Variants in SRFBP1 observed in about 807,000 individuals in gnomAD.
The protein encoded by SRFBP1 is serum response factor-binding protein 1.
SRFBP1 carries 47 observed loss-of-function variants against 45.5 expected under a neutral mutation model. That is an observed-to-expected ratio of 1.03 (90% CI 0.82 to 1.32). The LOEUF is 1.32. Ranked by LOEUF, SRFBP1 falls within the 40% of genes most tolerant of loss-of-function variation. The pLI, the probability that SRFBP1 is intolerant of heterozygous loss-of-function variation, is 0.00. For missense variants in SRFBP1, 621 were observed against 484.6 expected (o/e 1.28, Z -2.64); for synonymous variants, 203 against 166.3 (o/e 1.22, Z -1.70).
chr5:122,027,319 T>C lies in SRFBP1; in HGVS notation c.*193T>C. The C allele has an allele frequency of 2.5e-6, 1 of 395,706 alleles. No homozygotes were observed. Among genetic ancestry groups the C allele is most frequent in the Non-Finnish European group, 4.5e-6 (1 of 220,754 alleles). 24.5% of individuals were successfully genotyped at this position (395,706 alleles called of 1,614,324 possible). A position where few individuals can be genotyped will look rare whatever the true frequency, so the allele number is the denominator to read the frequency against. On this transcript the variant is annotated 3_prime_UTR_variant, in exon 8 of 8. Transcript: ENST00000339397. ...GGGACTGCAGGTGCATGCACTACCA[T>C]GCCCAGCTTTCTCACCCCAGGCTCT... is the stretch of plus-strand genomic sequence containing the variant.
intron 2 of SRFBP1, among the ~76,000 whole-genome samples, chr5:122,055,216 G>A (rs1754058654): frequency 6.6e-6 from 1 of 152,118 alleles, no homozygotes; most frequent in African/African-American, 2.4e-5. Context: ...GTCCTCACAT[G>A]GTGGAAGGGG....
intron 2 of SRFBP1, among the ~76,000 whole-genome samples, chr5:122,042,828 G>A (rs1217120743): frequency 6.6e-6 from 1 of 151,708 alleles, no homozygotes; most frequent in Non-Finnish European, 1.5e-5. Context: ...AATTTCTTTT[G>A]GTATTAACCT....
intron 2 of SRFBP1, 50 bp from the exon 3 acceptor site, chr5:121,975,265 T>A (rs373498063): frequency 6.3e-7 from 1 of 1,575,752 alleles, no homozygotes; most frequent in African/African-American, 1.4e-5. Flanking sequence ...ACACTATAAG[T>A]CTAAAATTAA....
intron 2 of SRFBP1, among the ~76,000 whole-genome samples, chr5:122,035,069 T>A (rs1447912915): frequency 6.6e-6 from 1 of 152,172 alleles, no homozygotes; most frequent in Non-Finnish European, 1.5e-5. Context: ...TTGTTTTTTC[T>A]ATTACCCTTT....
At chr5:121,975,694 C>T (rs972341536) in intron 3 of SRFBP1, among the ~76,000 whole-genome samples, 1 of 151,900 alleles carries the variant, frequency 6.6e-6, no homozygotes. Flanking sequence ...AACTTTAGCA[C>T]GAAGTCAGTT....
intron 4 of SRFBP1, among the ~76,000 whole-genome samples, chr5:122,013,302 G>A (rs1753132101): frequency 6.6e-6 from 1 of 151,924 alleles, no homozygotes; most frequent in Admixed American, 6.6e-5. Context: ...CTATGGTATT[G>A]GGTAGGCAAC....
intron 3 of SRFBP1, among the ~76,000 whole-genome samples, chr5:121,990,768 C>G (rs1031103995): frequency 2.0e-5 from 3 of 152,104 alleles, no homozygotes; most frequent in Non-Finnish European, 2.9e-5. Flanking sequence ...TTATTGTAAG[C>G]AAAAGTTGTT....
chr5:122,078,519 A>C (rs1754708953), downstream of SRFBP1, among the ~76,000 whole-genome samples: 1 of 152,190 alleles, frequency 6.6e-6, no homozygotes, highest in South Asian at 2.1e-4. Flanking sequence ...TCTGGGGCGA[A>C]CATGCAGGAA....
At chr5:121,998,927 C>T (rs1752795155) in intron 4 of SRFBP1, among the ~76,000 whole-genome samples, 1 of 152,042 alleles carries the variant, frequency 6.6e-6, no homozygotes, top group Admixed American at 6.6e-5. Flanking sequence ...TAATTTGTAC[C>T]CATGTTGCTC....
rs747237120 is a variant in SRFBP1, at chr5:122,070,475, T to C, written n.312-4840T>C. 6.6e-6 allele frequency: 9 copies of C among 1,369,508 alleles called. No individual in the cohort carries two copies. The East Asian group carries it at 1.6e-4, about 24-fold the overall frequency. 84.8% of individuals were successfully genotyped at this position (1,369,508 alleles called of 1,614,324 possible). ...TGATCTGCAATATCAATATATGATA[T>C]ATTTTCAAAGGTCTTTACCTTTAGG... On this transcript the variant is annotated intron_variant and non_coding_transcript_variant, in intron 2 of 2. Coordinates refer to the SRFBP1 transcript ENST00000504881.
At chr5:121,970,320 A>G (rs2112814037) in intron 1 of SRFBP1, among the ~76,000 whole-genome samples, 1 of 152,252 alleles carries the variant, frequency 6.6e-6, no homozygotes, top group East Asian at 1.9e-4. Context: ...AATGTAACCA[A>G]GGACCAACTC....
chr5:121,962,785 A>G (rs1423771681), intron 1 of SRFBP1, among the ~76,000 whole-genome samples: 1 of 152,224 alleles, frequency 6.6e-6, no homozygotes, highest in Non-Finnish European at 1.5e-5. Context: ...CCAAAGTCTT[A>G]AAGTAAGCTG....
intron 2 of SRFBP1, among the ~76,000 whole-genome samples, chr5:122,040,889 A>G (rs758837573): frequency 2.0e-5 from 3 of 152,132 alleles, no homozygotes; most frequent in Non-Finnish European, 2.9e-5. Flanking sequence ...CTTCACTTAG[A>G]AAGTATCAAC....
At chr5:122,013,931 A>T (rs1753144039) in intron 4 of SRFBP1, among the ~76,000 whole-genome samples, 1 of 152,192 alleles carries the variant, frequency 6.6e-6, no homozygotes, top group South Asian at 2.1e-4. Flanking sequence ...GTCAACAGAT[A>T]GAAAGTTACA....
chr5:122,016,400 T>G (rs149000476), intron 4 of SRFBP1, among the ~76,000 whole-genome samples: 1,611 of 152,336 alleles, frequency 0.011, 29 homozygotes, highest in African/African-American at 0.036. Flanking sequence ...ATTCTTTTCC[T>G]TCATAATTTT....
At position 121,974,394 on chromosome 5, in the gene SRFBP1, A is replaced by T. The variant is rs923541783; in HGVS notation, c.125+110A>T. 5.5e-6 allele frequency: 4 copies of T among 728,466 alleles called. No individual in the cohort carries two copies. In the African/African-American group the frequency reaches 7.1e-5, roughly 13 times the overall value. The allele number at this position is 728,466 out of a possible 1,614,324, so 45.1% of individuals were successfully genotyped here. A position where few individuals can be genotyped will look rare whatever the true frequency, so the allele number is the denominator to read the frequency against. The stretch of plus-strand genomic sequence containing the variant: ...ATATAGAGAAGTAATTAAATGTCTT[A>T]TACACCATTTTTGTTTTGTATGCGG... On this transcript the variant is annotated intron_variant, in intron 2 of 7. Transcript: ENST00000339397.
chr5:122,065,956 T>C (rs559440235), intron 2 of SRFBP1: 1 of 152,204 alleles, frequency 6.6e-6, no homozygotes, highest in South Asian at 2.1e-4. Flanking sequence ...AGAATGGTGA[T>C]ATTAAGAATC....
intron 3 of SRFBP1, 57 bp from the exon 4 acceptor site, chr5:121,994,542 A>C (rs973205007): frequency 8.6e-7 from 1 of 1,158,638 alleles, no homozygotes; most frequent in Non-Finnish European, 1.3e-6. Flanking sequence ...AAGGAACTTA[A>C]TAATAGTGAT....
chr5:122,007,416 T>A (rs1452703892), intron 4 of SRFBP1, among the ~76,000 whole-genome samples: 1 of 151,734 alleles, frequency 6.6e-6, no homozygotes, highest in Non-Finnish European at 1.5e-5. Flanking sequence ...GGAGCCTAGG[T>A]CCACGGTGCT....
Sources: allele counts gnomAD v4.1 joint callset (sites outside exome capture counted in the v4.1 genomes callset), GRCh38; gene constraint gnomAD v4.1.1; transcripts MANE v1.5; gene names NCBI Gene and HGNC (gene_info 2026-07-23, HGNC 2026-07-21).